Variants in TSHZ3 observed in about 807,000 individuals in gnomAD.
TSHZ3 encodes the protein teashirt zinc finger homeobox 3.
A neutral mutation model predicts 64.5 loss-of-function variants in TSHZ3; 10 were observed. The observed-to-expected ratio is 0.16, with a 90% CI of 0.10 to 0.26. The LOEUF (loss-of-function observed/expected upper bound fraction) is 0.26. Ranked by LOEUF, TSHZ3 falls within the 10% of genes least tolerant of loss-of-function variation. The pLI, the probability that TSHZ3 is intolerant of heterozygous loss-of-function variation, is 1.00. For missense variants in TSHZ3, 1,242 were observed against 1,421.7 expected (o/e 0.87, Z 2.03); for synonymous variants, 608 against 593.1 (o/e 1.03, Z -0.36).
chr19:31,330,394 C>T (rs1465831599), intron 1 of TSHZ3, among the ~76,000 whole-genome samples: 2 of 152,184 alleles, frequency 1.3e-5, no homozygotes, highest in Non-Finnish European at 2.9e-5. Flanking sequence ...AGGTGGCCTC[C>T]GGGCTGCTTG....
In TSHZ3 at chr19:31,278,079, G is replaced by A. The variant is rs1599620383; in HGVS notation, c.1714C>T (p.Pro572Ser). 7.4e-6 allele frequency: 12 copies of A among 1,614,138 alleles called. No individual in the cohort carries two copies. In the East Asian group the frequency reaches 2.7e-4, roughly 36 times the overall value. ...CTGTTGCCAAACATGGGTTTCAGGG[G>A]CGTGCTCTTCCCCGACGAGCCCAGG... is the stretch of plus-strand genomic sequence containing the variant. The part of the protein sequence containing the change: ...LSLGSSGKST[P>S]LKPMFGNSEI... Residue 572 changes from proline (P) to serine (S), a missense_variant, in exon 2 of 2, where the codon CCC becomes TCC. Pro to Ser is a moderately conservative substitution (Grantham distance 74, BLOSUM62 -1). Coordinates refer to ENST00000240587, the MANE Select transcript of TSHZ3 (RefSeq NM_020856.4). The surrounding 1 kb of genome is among the most constrained non-coding windows in gnomAD (Gnocchi z 4.7).
intron 1 of TSHZ3, among the ~76,000 whole-genome samples, chr19:31,289,801 G>A (rs1158402559): frequency 6.6e-6 from 1 of 152,210 alleles, no homozygotes; most frequent in African/African-American, 2.4e-5. Context: ...CCCCATGTCC[G>A]CTGGGCTTCT....
intron 1 of TSHZ3, among the ~76,000 whole-genome samples, chr19:31,332,243 T>A (rs113775244): frequency 6.6e-6 from 1 of 152,186 alleles, no homozygotes; most frequent in South Asian, 2.1e-4. Context: ...TGTTTAGTAA[T>A]TGATTACAGA....
chr19:31,289,998 A>C (rs1976536676), intron 1 of TSHZ3, among the ~76,000 whole-genome samples: 1 of 152,236 alleles, frequency 6.6e-6, no homozygotes. Flanking sequence ...GGTTATGCTT[A>C]TACAGGGCTC....
intron 5 of TSHZ3, among the ~76,000 whole-genome samples, chr19:31,164,869 A>C (rs533201272): frequency 6.6e-6 from 1 of 152,326 alleles, no homozygotes; most frequent in South Asian, 2.1e-4. Flanking sequence ...TGATTTATGA[A>C]GTGGCCGATT....
Position 31,349,267 on chromosome 19 carries a change from G to C in TSHZ3, c.-48C>G. ...CTGCCGCCGCCGCCGCCGCTGCCGG[G>C]CTGAGGACAGGGAGGGAGGGGGCGG... On this transcript the variant is annotated 5_prime_UTR_variant, in exon 1 of 2. Coordinates refer to ENST00000240587, the MANE Select transcript of TSHZ3 (RefSeq NM_020856.4). 1 of 1,502,626 alleles carries C rather than the reference G, an allele frequency of 6.7e-7. No individual in the cohort carries two copies. 93.1% of individuals were successfully genotyped at this position (1,502,626 alleles called of 1,614,324 possible). A position where few individuals can be genotyped will look rare whatever the true frequency, so the allele number is the denominator to read the frequency against.
At chr19:31,283,810 G>T (rs1022266522) in intron 1 of TSHZ3, among the ~76,000 whole-genome samples, 1 of 152,194 alleles carries the variant, frequency 6.6e-6, no homozygotes, top group African/African-American at 2.4e-5. Flanking sequence ...AAAGCCCCTG[G>T]CTGGATAGAA....
chr19:31,181,042 A>C (rs1974705246), intron 5 of TSHZ3, among the ~76,000 whole-genome samples: 1 of 152,070 alleles, frequency 6.6e-6, no homozygotes, highest in Admixed American at 6.5e-5. Flanking sequence ...GTTCATTCCC[A>C]GAGCTCATTA....
chr19:31,287,572 C>A (rs564988649), intron 1 of TSHZ3, among the ~76,000 whole-genome samples: 79 of 151,520 alleles, frequency 5.2e-4, no homozygotes, highest in South Asian at 2.3e-3. Context: ...GGGGGCCCAG[C>A]AGAGAGAGGA....
At position 31,279,954 on chromosome 19, in the gene TSHZ3, CA is replaced by C. The variant is rs34501594; in HGVS notation, c.41-203del. On this transcript the variant is annotated intron_variant, in intron 1 of 1. Coordinates refer to ENST00000240587, the MANE Select transcript of TSHZ3 (RefSeq NM_020856.4). The surrounding 1 kb of genome is among the most constrained non-coding windows in gnomAD (Gnocchi z 6.4). ...GTTAAAATGTGGTGTTTCTTTGGAG[CA>C]AAAAAAAAAAAAAATCTGCTCTTCA... 0.049 allele frequency among the ~76,000 whole-genome samples: 7,051 copies of C among 145,350 alleles called. 412 individuals are homozygous for C. Among genetic ancestry groups the C allele is most frequent in the African/African-American group, 0.13 (4,979 of 39,716 alleles).
In TSHZ3 at chr19:31,318,397, T is replaced by A. The variant is rs1259704923; in HGVS notation, c.40+30783A>T. Among the ~76,000 whole-genome samples, 32 of 152,212 alleles carry A rather than the reference T, an allele frequency of 2.1e-4. 1 individual carries two copies. The highest frequency in any genetic ancestry group is 2.1e-3 in the Admixed American group (32 of 15,288). ...TTCTTTTCATTTTATTTTTTAATTA[T>A]TTTTCATGTGCTGGTTGCCATCTGT... On this transcript the variant is annotated intron_variant, in intron 1 of 1. Transcript: ENST00000240587.
exon 7 of TSHZ3, among the ~76,000 whole-genome samples, chr19:31,151,465 C>A (rs866781185): frequency 3.9e-5 from 6 of 152,176 alleles, no homozygotes; most frequent in Non-Finnish European, 8.8e-5. Context: ...CCTAGCCACC[C>A]AGTCTTCAAC....
intron 1 of TSHZ3, among the ~76,000 whole-genome samples, chr19:31,320,691 G>A (rs1387143144): frequency 1.3e-5 from 2 of 152,222 alleles, no homozygotes; most frequent in African/African-American, 4.8e-5. Flanking sequence ...CCAAGAGACA[G>A]CACTAATGGC....
At chr19:31,210,208 C>G (rs1468640485) in intron 4 of TSHZ3, among the ~76,000 whole-genome samples, 2 of 152,034 alleles carry the variant, frequency 1.3e-5, no homozygotes, top group Non-Finnish European at 2.9e-5. Flanking sequence ...GAAGCTTGGC[C>G]TATAGAGGCA....
At chr19:31,292,123 A>T (rs1976577186) in intron 1 of TSHZ3, among the ~76,000 whole-genome samples, 1 of 152,176 alleles carries the variant, frequency 6.6e-6, no homozygotes, top group South Asian at 2.1e-4. Context: ...ATTCTACAAA[A>T]GCCATGAGGT....
rs940286443 is a variant in TSHZ3, at chr19:31,158,201, C to T, written n.810-1784G>A. Among the ~76,000 whole-genome samples the T allele has an allele frequency of 8.5e-5, 13 of 152,150 alleles. No individual in the cohort carries two copies. In the East Asian group the frequency reaches 2.3e-3, roughly 27 times the overall value. ...TAGCCACATGTGGCTACTGAACACTCGACATGTGGCTGGGACGAAAGAAAA... is the reference window on the plus strand; with the variant it reads ...TAGCCACATGTGGCTACTGAACACTTGACATGTGGCTGGGACGAAAGAAAA... On this transcript the variant is annotated intron_variant and non_coding_transcript_variant, in intron 5 of 6. Coordinates refer to the TSHZ3 transcript ENST00000651361.
At chr19:31,291,957 C>A (rs1427022808) in intron 1 of TSHZ3, among the ~76,000 whole-genome samples, 1 of 152,178 alleles carries the variant, frequency 6.6e-6, no homozygotes, top group East Asian at 1.9e-4. Flanking sequence ...CTTCCGGAGC[C>A]AGGGTGCATT....
intron 4 of TSHZ3, among the ~76,000 whole-genome samples, chr19:31,205,527 A>G (rs1975154369): frequency 6.6e-6 from 1 of 152,128 alleles, no homozygotes; most frequent in African/African-American, 2.4e-5. Flanking sequence ...TTTCACCAAG[A>G]GTGTGACCTC....
chr19:31,171,731 G>A (rs1974537268), intron 5 of TSHZ3, among the ~76,000 whole-genome samples: 1 of 152,134 alleles, frequency 6.6e-6, no homozygotes, highest in South Asian at 2.1e-4. Context: ...ACTCCCTGTG[G>A]GGTAGGAGTG....
Sources: gnomAD v4.1 joint callset for allele counts (sites outside exome capture counted in the v4.1 genomes callset) on GRCh38, gnomAD v4.1.1 for gene constraint, Gnocchi (gnomAD v3.1) non-coding constraint, MANE v1.5 for transcripts, NCBI Gene and HGNC (gene_info 2026-07-23, HGNC 2026-07-21) for gene names.